PSMA4: variants seen among roughly 807,000 people sequenced by gnomAD.
PSMA4 encodes proteasome subunit alpha type-4.
A neutral mutation model predicts 37.2 loss-of-function variants in PSMA4; 8 were observed. That is an observed-to-expected ratio of 0.22 (90% CI 0.13 to 0.39). The LOEUF is 0.39. Ranked by LOEUF, PSMA4 falls within the 10% of genes least tolerant of loss-of-function variation. The probability of loss-of-function intolerance (pLI) is 1.00; values close to 1 mark genes in which losing one functional copy is unlikely to be tolerated. For missense variants in PSMA4, 169 were observed against 305.1 expected (o/e 0.55, Z 3.32); for synonymous variants, 93 against 98.8 (o/e 0.94, Z 0.35).
rs114980289 is a variant in PSMA4, at chr15:78,543,371, C to T, written c.209+726C>T. Among the ~76,000 whole-genome samples the T allele has an allele frequency of 3.7e-3, 556 of 152,094 alleles. 4 individuals carry two copies. The highest frequency in any genetic ancestry group is 0.013 in the African/African-American group (539 of 41,504). ...GGCTTGGCTAGGCGTAGTCACAGGG[C>T]GAGTCTCAGCTATAAGAGAGCCAGG... is the stretch of plus-strand genomic sequence containing the variant. On this transcript the variant is annotated intron_variant, in intron 4 of 8. Transcript: ENST00000044462.
chr15:78,544,661 A>G (rs1425360526), intron 5 of PSMA4: 3 of 491,760 alleles, frequency 6.1e-6, no homozygotes, highest in Non-Finnish European at 1.1e-5. Context: ...AAAATCTTTG[A>G]ATTGAAAATT....
intron 8 of PSMA4, among the ~76,000 whole-genome samples, chr15:78,546,970 T>C (rs1212191767): frequency 6.6e-6 from 1 of 152,206 alleles, no homozygotes; most frequent in Non-Finnish European, 1.5e-5. Flanking sequence ...TTCACCATGT[T>C]GGCCAGGCTA....
At position 78,540,491 on chromosome 15, in the gene PSMA4, G is replaced by A. The variant is rs1457270151; in HGVS notation, c.-72G>A. ...GAGCGGTGGTGGTTTATTCTTCCGT[G>A]GAGTTAAGGGCTCCGTGGACATCTC... is the stretch of plus-strand genomic sequence containing the variant. On this transcript the variant is annotated 5_prime_UTR_variant, in exon 1 of 9. Coordinates refer to ENST00000044462, the MANE Select transcript of PSMA4 (RefSeq NM_002789.6). The A allele has an allele frequency of 6.6e-6, 1 of 152,392 alleles. No homozygotes were observed. The highest frequency in any genetic ancestry group is 6.5e-5 in the Admixed American group (1 of 15,296). The allele number at this position is 152,392 out of a possible 1,614,324, so 9.4% of individuals were successfully genotyped here.
In PSMA4 at chr15:78,549,133, G is replaced by C; in HGVS notation, c.*189G>C. On this transcript the variant is annotated 3_prime_UTR_variant, in exon 9 of 9. Coordinates refer to ENST00000044462, the MANE Select transcript of PSMA4 (RefSeq NM_002789.6). ...TGTAACGATGATGGTTACCCTTCATGGACGTCTTAATCTTCCACACACATC... is the reference window on the plus strand; with the variant it reads ...TGTAACGATGATGGTTACCCTTCATCGACGTCTTAATCTTCCACACACATC... The C allele has an allele frequency of 2.3e-6, 2 of 887,512 alleles. No individual in the cohort carries two copies. Among genetic ancestry groups the C allele is most frequent in the Non-Finnish European group, 3.0e-6 (2 of 675,144 alleles). 55.0% of individuals were successfully genotyped at this position (887,512 alleles called of 1,614,324 possible). A position where few individuals can be genotyped will look rare whatever the true frequency, so the allele number is the denominator to read the frequency against.
At chr15:78,540,646 A>G (rs1170461693) in intron 1 of PSMA4, 107 bp downstream of exon 1, 1 of 152,058 alleles carries the variant, frequency 6.6e-6, no homozygotes, top group Admixed American at 6.5e-5. Context: ...GCCGCCGAGG[A>G]GCCGTGGGCA....
At chr15:78,547,118 T>C (rs958359884) in intron 8 of PSMA4, among the ~76,000 whole-genome samples, 2 of 152,192 alleles carry the variant, frequency 1.3e-5, no homozygotes, top group African/African-American at 4.8e-5. Context: ...ACAGCAACCT[T>C]ACGAATTAGG....
At chr15:78,546,754 G>C (rs983776787) in intron 8 of PSMA4, 56 bp downstream of exon 8, 7 of 1,464,518 alleles carry the variant, frequency 4.8e-6, no homozygotes, top group Non-Finnish European at 4.6e-6. Context: ...ATTAGCAGCT[G>C]TTAAGATTTT....
Position 78,549,364 on chromosome 15 carries a change from G to C in PSMA4, c.*420G>C, listed in dbSNP as rs904529126. 1 of 153,740 alleles carries C rather than the reference G, an allele frequency of 6.5e-6. No individual in the cohort carries two copies. Among genetic ancestry groups the C allele is most frequent in the African/African-American group, 2.4e-5 (1 of 41,480 alleles). 9.5% of individuals were successfully genotyped at this position (153,740 alleles called of 1,614,324 possible). ...AATTGGTTTGAGAATGAACACGTGA[G>C]CTGAACAAAGCCAGAATTGATGTGT... On this transcript the variant is annotated 3_prime_UTR_variant, in exon 9 of 9. Transcript: ENST00000044462.
chr15:78,548,997 C>G lies in PSMA4; in HGVS notation c.*53C>G. 1.3e-6 allele frequency: 2 copies of G among 1,552,658 alleles called. No individual in the cohort carries two copies. Among genetic ancestry groups the G allele is most frequent in the Non-Finnish European group, 1.7e-6 (2 of 1,154,446 alleles). ...GCACCATTTCAGTGTAAAAGCAGTC[C>G]TACTCTTCCACACTAGGAAGGCTTT... On this transcript the variant is annotated 3_prime_UTR_variant, in exon 9 of 9. Coordinates refer to ENST00000044462, the MANE Select transcript of PSMA4 (RefSeq NM_002789.6).
In PSMA4 at chr15:78,546,647, A is replaced by G. The variant is rs756925719; in HGVS notation, c.580A>G (p.Ile194Val). The change falls in exon 8 of 9, where the codon ATC (isoleucine) becomes GTC (valine). Residue 194 changes from isoleucine to valine, a missense_variant. Ile to Val is a conservative substitution (Grantham distance 29). Around this residue, in one of 2 missense-constraint regions of PSMA4, gnomAD observed 90 missense variants for 92.7 expected, o/e 0.97. Coordinates refer to ENST00000044462, the MANE Select transcript of PSMA4 (RefSeq NM_002789.6). ...MTLKSALALA[I>V]KVLNKTMDVS... The stretch of plus-strand genomic sequence containing the variant: ...CTTGAAGTCAGCACTTGCTTTAGCT[A>G]TCAAAGTACTAAATAAGACCATGGA... 6.2e-6 allele frequency: 10 copies of G among 1,604,748 alleles called. No homozygotes were observed. In the Admixed American group the frequency reaches 8.7e-5, roughly 14 times the overall value.
chr15:78,547,311 AAC>A (rs1233567806), intron 8 of PSMA4, among the ~76,000 whole-genome samples: 1 of 152,230 alleles, frequency 6.6e-6, no homozygotes, highest in Non-Finnish European at 1.5e-5. Context: ...ACTTTTAGTT[AAC>A]AGTTATCAAG....
rs77994111 is a variant in PSMA4, at chr15:78,550,371, A to T, written c.*1427A>T. 7,324 of 152,488 alleles carry T rather than the reference A, an allele frequency of 0.048. 384 individuals are homozygous for T. Among genetic ancestry groups the T allele is most frequent in the African/African-American group, 0.13 (5,262 of 41,520 alleles). The allele number at this position is 152,488 out of a possible 1,614,324, so 9.4% of individuals were successfully genotyped here. On this transcript the variant is annotated 3_prime_UTR_variant, in exon 9 of 9. Coordinates refer to ENST00000044462, the MANE Select transcript of PSMA4 (RefSeq NM_002789.6). ...TTTTGAGACTGGGTCTTGCTCTGTC[A>T]CCCAGGCTGGAGTGCAGTGGCGTGA...
chr15:78,547,805 C>G (rs918072325), intron 8 of PSMA4, among the ~76,000 whole-genome samples: 2 of 151,926 alleles, frequency 1.3e-5, no homozygotes, highest in Non-Finnish European at 2.9e-5. Context: ...CCACTGCACT[C>G]CAGCGTGGGT....
intron 6 of PSMA4, among the ~76,000 whole-genome samples, 184 bp downstream of exon 6, chr15:78,545,141 G>A (rs1418114748): frequency 6.6e-6 from 1 of 152,114 alleles, no homozygotes; most frequent in Non-Finnish European, 1.5e-5. Flanking sequence ...TGCACATAAT[G>A]ATCAGATCAG....
At position 78,551,351 on chromosome 15, in the gene PSMA4, TCTC is replaced by T. The variant is rs1290033520; in HGVS notation, c.*2408_*2410del. 6 of 152,178 alleles carry T rather than the reference TCTC, an allele frequency of 3.9e-5. No individual in the cohort carries two copies. The highest frequency in any genetic ancestry group is 6.6e-5 in the Admixed American group (1 of 15,252). 9.4% of individuals were successfully genotyped at this position (152,178 alleles called of 1,614,324 possible). A position where few individuals can be genotyped will look rare whatever the true frequency, so the allele number is the denominator to read the frequency against. ...CTCACTCATTCATCCAAATGAGCCTTCTCATCATTCCCTGAATGTGCCAAGCTC... is the reference window on the plus strand; with the variant it reads ...CTCACTCATTCATCCAAATGAGCCTTATCATTCCCTGAATGTGCCAAGCTC... On this transcript the variant is annotated 3_prime_UTR_variant, in exon 9 of 9. Coordinates refer to ENST00000044462, the MANE Select transcript of PSMA4 (RefSeq NM_002789.6).
In PSMA4 at chr15:78,542,540, T is replaced by C; in HGVS notation, c.104T>C (p.Leu35Ser). 1 of 1,614,194 alleles carries C rather than the reference T, an allele frequency of 6.2e-7. No homozygotes were observed. The highest frequency in any genetic ancestry group is 8.5e-7 in the Non-Finnish European group (1 of 1,180,034). The change falls in exon 4 of 9, where the codon TTG (leucine) becomes TCG (serine). Residue 35 changes from leucine to serine, a missense_variant. Transcript: ENST00000044462. ...GCTATTGGACATGCAGGCACCTGTT[T>C]GGGAATTTTAGCAAATGATGGTGTT... is the stretch of plus-strand genomic sequence containing the variant. ...MEAIGHAGTC[L>S]GILANDGVLL... is the part of the protein sequence containing the mutation.
At chr15:78,544,037 A>C (rs2052503937) in intron 4 of PSMA4, 153 bp from the exon 5 acceptor site, 2 of 577,236 alleles carry the variant, frequency 3.5e-6, no homozygotes, top group African/African-American at 3.8e-5. Context: ...CATCTCCTAC[A>C]AAGATAAAAC....
chr15:78,545,790 A>G (rs767776869), intron 7 of PSMA4, 26 bp downstream of exon 7: 5 of 1,610,584 alleles, frequency 3.1e-6, no homozygotes, highest in Non-Finnish European at 3.4e-6. Flanking sequence ...GTGCTATAAA[A>G]TCTAGCAGAA....
In PSMA4 at chr15:78,545,549, T is replaced by TA. The variant is rs1217051028; in HGVS notation, c.377-85_377-84insA. On this transcript the variant is annotated intron_variant, in intron 6 of 8. Coordinates refer to ENST00000044462, the MANE Select transcript of PSMA4 (RefSeq NM_002789.6). ...GAATGCTTAAGTTCACAGAGTAGGG[T>TA]TTAGCTACCTTCACTGAGCTCAAGT... 3.4e-6 allele frequency: 5 copies of TA among 1,458,424 alleles called. No individual in the cohort carries two copies. The African/African-American group carries it at 7.0e-5, about 20-fold the overall frequency. The allele number at this position is 1,458,424 out of a possible 1,614,324, so 90.3% of individuals were successfully genotyped here.
Sources: allele counts gnomAD v4.1 joint callset (sites outside exome capture counted in the v4.1 genomes callset), GRCh38; gene constraint gnomAD v4.1.1; regional missense constraint gnomAD v4.1.1; transcripts MANE v1.5; gene names NCBI Gene and HGNC (gene_info 2026-07-23, HGNC 2026-07-21).